The following ZNF385D variants were observed in gnomAD, a reference collection of about 807,000 sequenced individuals.
ZNF385D encodes zinc finger protein 659.
Under a neutral mutation model 35.8 loss-of-function variants are expected in ZNF385D, and 15 were observed. The ratio of observed to expected loss-of-function variants is 0.42; its 90% CI spans 0.28 to 0.64. The LOEUF is 0.64. Ranked by LOEUF, ZNF385D falls within the 30% of genes least tolerant of loss-of-function variation. ZNF385D has a pLI of 0.23. For synonymous variants in ZNF385D, 212 were observed against 186.8 expected (o/e 1.13, Z -1.10); for missense variants, 474 against 494.6 (o/e 0.96, Z 0.39).
chr3:21,695,923 C>T (rs1275302123), intron 1 of ZNF385D, among the ~76,000 whole-genome samples: 2 of 151,984 alleles, frequency 1.3e-5, no homozygotes, highest in Non-Finnish European at 2.9e-5. Context: ...AGATAATTGC[C>T]ATTTCCATGT....
At chr3:22,118,570 T>C (rs7642767) in intron 3 of ZNF385D, among the ~76,000 whole-genome samples, 2,360 of 152,212 alleles carry the variant, frequency 0.016, 76 homozygotes, top group African/African-American at 0.053. Flanking sequence ...GGTATACTTC[T>C]AGTATTTTGA....
intron 2 of ZNF385D, among the ~76,000 whole-genome samples, chr3:22,262,185 T>C (rs1019816898): frequency 1.3e-5 from 2 of 151,956 alleles, no homozygotes; most frequent in African/African-American, 4.8e-5. Context: ...GTAGAAAACA[T>C]TGGCATGTTA....
chr3:21,627,449 G>A (rs1033048435), intron 2 of ZNF385D, among the ~76,000 whole-genome samples: 6 of 152,038 alleles, frequency 3.9e-5, no homozygotes, highest in Middle Eastern at 3.4e-3. Flanking sequence ...TTAAATAAGA[G>A]AAGCTGAACG....
chr3:22,262,277 C>G (rs1700671653), intron 2 of ZNF385D, among the ~76,000 whole-genome samples: 1 of 151,648 alleles, frequency 6.6e-6, no homozygotes, highest in Admixed American at 6.6e-5. Context: ...GCCTTGGGGT[C>G]TAAAGTCATG....
At chr3:22,036,118 T>C (rs1698300300) in intron 3 of ZNF385D, among the ~76,000 whole-genome samples, 1 of 152,154 alleles carries the variant, frequency 6.6e-6, no homozygotes. Flanking sequence ...AATTCAACGA[T>C]GTACAGTAGT....
chr3:21,478,456 A>C (rs988398766), intron 4 of ZNF385D, among the ~76,000 whole-genome samples: 5 of 152,152 alleles, frequency 3.3e-5, no homozygotes, highest in African/African-American at 1.2e-4. Context: ...TTGAACTTTA[A>C]AACAAGCAAT....
At chr3:22,114,509 T>A (rs761632908) in intron 3 of ZNF385D, among the ~76,000 whole-genome samples, 5 of 152,008 alleles carry the variant, frequency 3.3e-5, no homozygotes, top group Admixed American at 6.6e-5. Flanking sequence ...TGGGAAGTGA[T>A]CTCAGGAAGC....
intron 3 of ZNF385D, among the ~76,000 whole-genome samples, chr3:22,016,629 A>G (rs1179127153): frequency 6.6e-6 from 1 of 152,016 alleles, no homozygotes; most frequent in Non-Finnish European, 1.5e-5. Context: ...CTAGAACAAA[A>G]GTTTGTGTTT....
intron 5 of ZNF385D, among the ~76,000 whole-genome samples, chr3:21,427,856 T>G (rs1050665363): frequency 6.6e-6 from 1 of 152,056 alleles, no homozygotes; most frequent in African/African-American, 2.4e-5. Flanking sequence ...TACCCATACC[T>G]TATAAACATA....
intron 3 of ZNF385D, among the ~76,000 whole-genome samples, chr3:21,538,106 G>A (rs1255781086): frequency 6.6e-6 from 1 of 152,054 alleles, no homozygotes; most frequent in African/African-American, 2.4e-5. Context: ...GGAACCAGAG[G>A]GATGGAGTTG....
chr3:21,421,927 C>A (rs2125243534), intron 7 of ZNF385D, among the ~76,000 whole-genome samples: 2 of 152,186 alleles, frequency 1.3e-5, no homozygotes, highest in South Asian at 4.1e-4. Context: ...TAAATAAAAA[C>A]AATAAAATTC....
chr3:21,932,403 T>C (rs1010431319), intron 3 of ZNF385D, among the ~76,000 whole-genome samples: 1 of 150,534 alleles, frequency 6.6e-6, no homozygotes, highest in Non-Finnish European at 1.5e-5. Flanking sequence ...TGACTTAATA[T>C]GGGGATAGAT....
intron 3 of ZNF385D, among the ~76,000 whole-genome samples, chr3:22,001,491 A>G (rs1307680303): frequency 1.3e-5 from 2 of 152,178 alleles, no homozygotes; most frequent in Non-Finnish European, 2.9e-5. Flanking sequence ...TATAAAACAA[A>G]TATTACTGGA....
At chr3:21,452,490 A>G (rs1425819394) in intron 4 of ZNF385D, among the ~76,000 whole-genome samples, 1 of 152,038 alleles carries the variant, frequency 6.6e-6, no homozygotes, top group Non-Finnish European at 1.5e-5. Flanking sequence ...AACTACCTCT[A>G]TTCATAGATG....
chr3:22,192,090 G>C (rs998454186), intron 2 of ZNF385D, among the ~76,000 whole-genome samples: 10 of 151,976 alleles, frequency 6.6e-5, no homozygotes, highest in African/African-American at 2.4e-4. Context: ...TTCTTTCAAC[G>C]ATAGTGCCCT....
chr3:22,082,651 A>T (rs558206194), intron 3 of ZNF385D, among the ~76,000 whole-genome samples: 1 of 152,302 alleles, frequency 6.6e-6, no homozygotes, highest in South Asian at 2.1e-4. Flanking sequence ...GGCAGCAGAA[A>T]CGTCTGCAGA....
intron 2 of ZNF385D, among the ~76,000 whole-genome samples, chr3:22,319,489 G>C (rs1443995800): frequency 1.3e-5 from 2 of 151,954 alleles, no homozygotes; most frequent in African/African-American, 4.8e-5. Flanking sequence ...GGAAACTTTG[G>C]GGAAAAGTTG....
At chr3:22,162,353 A>G (rs540116606) in intron 3 of ZNF385D, among the ~76,000 whole-genome samples, 99 of 152,278 alleles carry the variant, frequency 6.5e-4, no homozygotes, top group African/African-American at 2.3e-3. Flanking sequence ...TGTATAGAAA[A>G]TCTACATTAG....
intron 4 of ZNF385D, among the ~76,000 whole-genome samples, chr3:21,466,631 T>G (rs1224802154): frequency 1.3e-5 from 2 of 152,158 alleles, no homozygotes; most frequent in Non-Finnish European, 2.9e-5. Context: ...GAAATGGTAA[T>G]GTAGTCATCT....
Sources: allele counts gnomAD v4.1 joint callset (sites outside exome capture counted in the v4.1 genomes callset), GRCh38; gene constraint gnomAD v4.1.1; transcripts MANE v1.5; gene names NCBI Gene and HGNC (gene_info 2026-07-23, HGNC 2026-07-21).